KANK1: variants seen among roughly 807,000 people sequenced by gnomAD.
KANK1 encodes the protein KN motif and ankyrin repeat domain-containing protein 1.
Under a neutral mutation model 106.2 loss-of-function variants are expected in KANK1, and 109 were observed. The ratio of observed to expected loss-of-function variants is 1.03; its 90% CI spans 0.88 to 1.20. KANK1 has a LOEUF of 1.20. Ranked by LOEUF, KANK1 falls within the 50% of genes most tolerant of loss-of-function variation. The pLI, the probability that KANK1 is intolerant of heterozygous loss-of-function variation, is 0.00. For synonymous variants in KANK1, 873 were observed against 652.2 expected (o/e 1.34, Z -5.16); for missense variants, 2,399 against 1,710.7 (o/e 1.40, Z -7.10).
chr9:483,348 A>G (rs2058239743), intron 3 of KANK1, among the ~76,000 whole-genome samples: 1 of 152,230 alleles, frequency 6.6e-6, no homozygotes, highest in South Asian at 2.1e-4. Flanking sequence ...CTTAGCTTCA[A>G]TCCCCAGAGA....
upstream of KANK1, among the ~76,000 whole-genome samples, chr9:502,546 T>TTTTTAGAC (rs1554722304): frequency 6.7e-6 from 1 of 150,188 alleles, no homozygotes; most frequent in African/African-American, 2.5e-5. Context: ...TTTTTTTTCT[T>TTTTTAGAC]AGAGTCGTGC....
chr9:619,757 T>G (rs1832698508), intron 1 of KANK1, among the ~76,000 whole-genome samples: 1 of 152,178 alleles, frequency 6.6e-6, no homozygotes, highest in Non-Finnish European at 1.5e-5. Context: ...ATTAAAATAT[T>G]AATAATTTGC....
At chr9:681,927 A>G (rs1206572811) in intron 2 of KANK1, among the ~76,000 whole-genome samples, 1 of 152,122 alleles carries the variant, frequency 6.6e-6, no homozygotes, top group African/African-American at 2.4e-5. Context: ...CAGCCTGGAT[A>G]TATATTTTTT....
intron 1 of KANK1, among the ~76,000 whole-genome samples, chr9:559,567 T>G (rs1408715104): frequency 6.6e-6 from 1 of 152,204 alleles, no homozygotes; most frequent in African/African-American, 2.4e-5. Flanking sequence ...GTATAAACCT[T>G]AAACCTCTAA....
At chr9:577,032 G>A (rs1820746998) in intron 1 of KANK1, among the ~76,000 whole-genome samples, 1 of 152,256 alleles carries the variant, frequency 6.6e-6, no homozygotes, top group African/African-American at 2.4e-5. Context: ...TGGGTTCATG[G>A]CCTCGCTGAC....
chr9:695,628 A>C (rs1821069728), intron 2 of KANK1, among the ~76,000 whole-genome samples: 1 of 151,582 alleles, frequency 6.6e-6, no homozygotes, highest in Non-Finnish European at 1.5e-5. Flanking sequence ...GGCAAGGTAT[A>C]GAGGAGGAAG....
At chr9:632,708 G>C (rs1035823662) in intron 1 of KANK1, among the ~76,000 whole-genome samples, 1 of 151,978 alleles carries the variant, frequency 6.6e-6, no homozygotes, top group South Asian at 2.1e-4. Flanking sequence ...GTTTTTCTTT[G>C]AGATGGAGTC....
At chr9:575,760 G>A (rs1257751344) in intron 1 of KANK1, among the ~76,000 whole-genome samples, 1 of 152,234 alleles carries the variant, frequency 6.6e-6, no homozygotes, top group African/African-American at 2.4e-5. Context: ...AGTGGCTCAT[G>A]CCTGTAATCC....
intron 3 of KANK1, among the ~76,000 whole-genome samples, chr9:475,944 C>G (rs1331796481): frequency 6.6e-6 from 1 of 151,942 alleles, no homozygotes; most frequent in Non-Finnish European, 1.5e-5. Flanking sequence ...CCTCTGCCTC[C>G]TGGGTTCAAG....
Position 562,042 on chromosome 9 carries a change from C to CTTTTT in KANK1, c.-84+57305_-84+57309dup, listed in dbSNP as rs34419752. ...TTTCCAAGTAAGTAAATTGCATTTT[C>CTTTTT]TTTTTTTTTTTTTTTTTTTTTGAGA... On this transcript the variant is annotated intron_variant, in intron 1 of 11. Transcript: ENST00000382297. Among the ~76,000 whole-genome samples the CTTTTT allele has an allele frequency of 1.5e-3, 153 of 104,924 alleles. 2 individuals are homozygous for CTTTTT. Among genetic ancestry groups the CTTTTT allele is most frequent in the Non-Finnish European group, 1.5e-3 (83 of 55,748 alleles). The allele number at this position is 104,924 out of a possible 152,430, so 68.8% of individuals were successfully genotyped here. A position where few individuals can be genotyped will look rare whatever the true frequency, so the allele number is the denominator to read the frequency against.
chr9:555,797 A>C (rs1005942270), intron 1 of KANK1, among the ~76,000 whole-genome samples: 1 of 152,224 alleles, frequency 6.6e-6, no homozygotes, highest in African/African-American at 2.4e-5. Flanking sequence ...GTGTTTCTCA[A>C]AATACAATTA....
At chr9:494,664 AC>A (rs2058432238) in intron 3 of KANK1, among the ~76,000 whole-genome samples, 1 of 152,186 alleles carries the variant, frequency 6.6e-6, no homozygotes, top group South Asian at 2.1e-4. Flanking sequence ...CCTTTTGCCA[AC>A]AACCATGTGA....
At position 718,298 on chromosome 9, in the gene KANK1, CTTTTTTT is replaced by C. The variant is rs60145502; in HGVS notation, c.2698+4854_2698+4860del. 4.5e-4 allele frequency among the ~76,000 whole-genome samples: 33 copies of C among 74,128 alleles called. 1 individual carries two copies. Among genetic ancestry groups the C allele is most frequent in the African/African-American group, 1.5e-3 (27 of 18,388 alleles). The allele number at this position is 74,128 out of a possible 152,430, so 48.6% of individuals were successfully genotyped here. On this transcript the variant is annotated intron_variant, in intron 3 of 11. Transcript: ENST00000382297. ...TGGCTGTGTAGGTAACTTGCTGTGT[CTTTTTTT>C]TTTTTTTTTTTTTTTTTTTACTCTT...
chr9:506,825 G>A (rs1173655774), intron 1 of KANK1, among the ~76,000 whole-genome samples: 1 of 152,188 alleles, frequency 6.6e-6, no homozygotes, highest in Admixed American at 6.6e-5. Flanking sequence ...ACTGGGAAGA[G>A]GAATGGGATA....
chr9:669,035 G>C (rs981640819), intron 1 of KANK1, among the ~76,000 whole-genome samples: 2 of 152,046 alleles, frequency 1.3e-5, no homozygotes, highest in Non-Finnish European at 2.9e-5. Context: ...GGAGATCCCT[G>C]TCTTAGATCA....
At chr9:490,322 A>G (rs1264048501) in intron 3 of KANK1, among the ~76,000 whole-genome samples, 1 of 152,198 alleles carries the variant, frequency 6.6e-6, no homozygotes, top group Non-Finnish European at 1.5e-5. Flanking sequence ...CCTGGGCAAC[A>G]AAGTGATACC....
chr9:510,591 A>T (rs1206322324), intron 1 of KANK1, among the ~76,000 whole-genome samples: 1 of 152,184 alleles, frequency 6.6e-6, no homozygotes, highest in Non-Finnish European at 1.5e-5. Flanking sequence ...GAGCCTTCTC[A>T]AGGAGAGAGA....
At chr9:599,067 G>A (rs1210481125) in intron 1 of KANK1, among the ~76,000 whole-genome samples, 1 of 145,596 alleles carries the variant, frequency 6.9e-6, no homozygotes, top group Non-Finnish European at 1.5e-5. Context: ...CACCCAGGCT[G>A]GAGTGCAATG....
chr9:686,679 A>G lies in KANK1; in HGVS notation c.37+9670A>G, dbSNP rs945213608. 30 of 844,770 alleles carry G rather than the reference A, an allele frequency of 3.6e-5. No homozygotes were observed. The African/African-American group carries it at 5.4e-4, about 15-fold the overall frequency. The allele number at this position is 844,770 out of a possible 1,614,324, so 52.3% of individuals were successfully genotyped here. ...AGCTTCCAAGTCTGCCCCAGGGACAACTGTTTGGCAGTGTGAGGGGAAATG... is the reference window on the plus strand; with the variant it reads ...AGCTTCCAAGTCTGCCCCAGGGACAGCTGTTTGGCAGTGTGAGGGGAAATG... On this transcript the variant is annotated intron_variant, in intron 2 of 11. Transcript: ENST00000382297.
Sources: gnomAD v4.1 joint callset for allele counts (sites outside exome capture counted in the v4.1 genomes callset) on GRCh38, gnomAD v4.1.1 for gene constraint, MANE v1.5 for transcripts, NCBI Gene and HGNC (gene_info 2026-07-23, HGNC 2026-07-21) for gene names.